Variants in PIK3C2G observed in about 807,000 individuals in gnomAD.
PIK3C2G encodes the protein phosphatidylinositol 3-kinase C2 domain-containing subunit gamma.
In PIK3C2G, 168 loss-of-function variants were observed where a neutral mutation model predicts 181.1. The ratio of observed to expected loss-of-function variants is 0.93; its 90% confidence interval spans 0.82 to 1.05. The LOEUF (loss-of-function observed/expected upper bound fraction) is 1.05, where lower values mean the gene tolerates loss of function less well. PIK3C2G is among the 50% of genes least tolerant of loss of function. The pLI is 0.00. For missense variants in PIK3C2G, 1,869 were observed against 1,732.8 expected (o/e 1.08, Z -1.40); for synonymous variants, 573 against 592.2 (o/e 0.97, Z 0.47).
At chr12:18,602,414 C>A (rs903386535) in intron 30 of PIK3C2G, among the ~76,000 whole-genome samples, 2 of 151,474 alleles carry the variant, frequency 1.3e-5, no homozygotes, top group African/African-American at 4.9e-5. Context: ...CACGCCTAGC[C>A]CCACCCCCAC....
intron 5 of PIK3C2G, among the ~76,000 whole-genome samples, chr12:18,312,617 C>T (rs1950687310): frequency 6.6e-6 from 1 of 152,086 alleles, no homozygotes; most frequent in Admixed American, 6.6e-5. Context: ...TGAAGAAAAG[C>T]AGTGGCCATG....
intron 18 of PIK3C2G, among the ~76,000 whole-genome samples, chr12:18,441,414 A>G (rs184520968): frequency 7.9e-5 from 12 of 152,230 alleles, no homozygotes; most frequent in African/African-American, 2.2e-4. Flanking sequence ...CTTTTACAAT[A>G]GGAAAAATTG....
At chr12:18,329,607 A>G (rs1222824329) in intron 8 of PIK3C2G, among the ~76,000 whole-genome samples, 1 of 151,956 alleles carries the variant, frequency 6.6e-6, no homozygotes, top group African/African-American at 2.4e-5. Context: ...GGTTGTTATT[A>G]GTTCATTTTC....
At chr12:18,608,397 A>G (rs1592706009) in intron 30 of PIK3C2G, among the ~76,000 whole-genome samples, 1 of 151,952 alleles carries the variant, frequency 6.6e-6, no homozygotes, top group African/African-American at 2.4e-5. Flanking sequence ...ATGAGTTCAT[A>G]TCCTTTGTAG....
chr12:18,574,084 C>T (rs1946114127), intron 29 of PIK3C2G, among the ~76,000 whole-genome samples: 1 of 152,146 alleles, frequency 6.6e-6, no homozygotes, highest in African/African-American at 2.4e-5. Flanking sequence ...GTTAGGTTCT[C>T]ATATCATCAT....
intron 31 of PIK3C2G, among the ~76,000 whole-genome samples, chr12:18,638,682 T>A (rs1290714506): frequency 1.3e-5 from 2 of 152,070 alleles, no homozygotes; most frequent in Non-Finnish European, 2.9e-5. Context: ...AGAAATAATG[T>A]TTAACCAGAT....
intron 12 of PIK3C2G, among the ~76,000 whole-genome samples, chr12:18,363,614 A>G (rs941422001): frequency 2.0e-5 from 3 of 151,730 alleles, no homozygotes; most frequent in African/African-American, 7.3e-5. Context: ...ACTCAGATCA[A>G]TATTCTTCCC....
At chr12:18,631,291 C>T (rs1161297945) in intron 31 of PIK3C2G, among the ~76,000 whole-genome samples, 2 of 152,118 alleles carry the variant, frequency 1.3e-5, no homozygotes, top group Admixed American at 1.3e-4. Flanking sequence ...ACAAACTAAG[C>T]CTGCTGCTTA....
chr12:18,505,589 T>A, intron 24 of PIK3C2G, 128 bp downstream of exon 24: 1 of 552,484 alleles, frequency 1.8e-6, no homozygotes, highest in Non-Finnish European at 3.0e-6. Flanking sequence ...AATATAAACA[T>A]GATAATATAT....
intron 26 of PIK3C2G, among the ~76,000 whole-genome samples, chr12:18,546,677 A>G (rs1944447730): frequency 6.6e-6 from 1 of 152,064 alleles, no homozygotes; most frequent in South Asian, 2.1e-4. Context: ...AGATTGCTCA[A>G]TAAGAGGTCA....
chr12:18,688,041 C>A, the PIK3C2G span: 1 of 1,599,714 alleles, frequency 6.3e-7, no homozygotes, highest in Non-Finnish European at 8.5e-7. Flanking sequence ...TGTAAGCTTT[C>A]CAACAAGAAG....
At chr12:18,603,773 G>A (rs1261120091) in intron 30 of PIK3C2G, among the ~76,000 whole-genome samples, 1 of 152,098 alleles carries the variant, frequency 6.6e-6, no homozygotes, top group Non-Finnish European at 1.5e-5. Flanking sequence ...GCGAAACTAA[G>A]CATCATTTAT....
At chr12:18,439,587 T>G (rs918432643) in intron 18 of PIK3C2G, among the ~76,000 whole-genome samples, 3 of 152,080 alleles carry the variant, frequency 2.0e-5, no homozygotes, top group Admixed American at 6.6e-5. Flanking sequence ...CACTCATGTA[T>G]GTATCTGGGG....
At chr12:18,653,510 G>C in the PIK3C2G span, among the ~76,000 whole-genome samples, 127 of 152,262 alleles carry the variant, frequency 8.3e-4, no homozygotes, top group Middle Eastern at 0.017. Context: ...TAAATTTGTA[G>C]CTTAAAATTC....
the PIK3C2G span, chr12:18,719,302 C>G: frequency 8.3e-6 from 4 of 483,954 alleles, no homozygotes; most frequent in Non-Finnish European, 1.0e-5. Flanking sequence ...GTAAAAATTT[C>G]TATTCCCTAT....
the PIK3C2G span, chr12:18,705,312 A>G: frequency 6.2e-7 from 1 of 1,614,144 alleles, no homozygotes; most frequent in Non-Finnish European, 8.5e-7. Flanking sequence ...GGGTAGTCAG[A>G]TGTCTAAAAA....
chr12:18,576,922 A>T (rs1464390746), intron 29 of PIK3C2G, among the ~76,000 whole-genome samples: 1 of 152,218 alleles, frequency 6.6e-6, no homozygotes, highest in African/African-American at 2.4e-5. Context: ...ATGGATTATT[A>T]TCTTTGCATG....
At chr12:18,566,249 G>T (rs949788119) in intron 28 of PIK3C2G, among the ~76,000 whole-genome samples, 1 of 152,080 alleles carries the variant, frequency 6.6e-6, no homozygotes, top group African/African-American at 2.4e-5. Context: ...CCAAGCCGTG[G>T]TTCCTACCAA....
intron 11 of PIK3C2G, among the ~76,000 whole-genome samples, chr12:18,349,932 A>C (rs1371479947): frequency 6.6e-6 from 1 of 152,170 alleles, no homozygotes; most frequent in South Asian, 2.1e-4. Flanking sequence ...GAATAGAGAA[A>C]TGTGTCATAC....
Sources: gnomAD v4.1 joint callset for allele counts (sites outside exome capture counted in the v4.1 genomes callset) on GRCh38, gnomAD v4.1.1 for gene constraint, MANE v1.5 for transcripts, NCBI Gene and HGNC (gene_info 2026-07-23, HGNC 2026-07-21) for gene names.